NPHP1: variants seen among roughly 807,000 people sequenced by gnomAD.
The protein encoded by NPHP1 is nephrocystin-1.
In NPHP1, 70 loss-of-function variants were observed where a neutral mutation model predicts 90.4. That is an observed-to-expected ratio of 0.77 (90% CI 0.64 to 0.95). NPHP1 has a LOEUF of 0.95. Ranked by LOEUF, NPHP1 falls within the 40% of genes least tolerant of loss-of-function variation. The pLI, the probability that NPHP1 is intolerant of heterozygous loss-of-function variation, is 0.00. For missense variants in NPHP1, 764 were observed against 795.9 expected, an observed-to-expected ratio of 0.96 and a Z score of 0.48; for synonymous variants, 256 against 271.7, an observed-to-expected ratio of 0.94 and a Z score of 0.57.
intron 2 of NPHP1, among the ~76,000 whole-genome samples, chr2:110,183,377 C>G (rs1180263778): frequency 6.6e-6 from 1 of 152,210 alleles, no homozygotes; most frequent in Non-Finnish European, 1.5e-5. Context: ...TTGCAGATAA[C>G]TAGCCAGAAC....
At chr2:110,183,901 G>T (rs1164615273) in intron 2 of NPHP1, among the ~76,000 whole-genome samples, 2 of 151,954 alleles carry the variant, frequency 1.3e-5, no homozygotes, top group African/African-American at 2.4e-5. Context: ...TCAAGTAATC[G>T]GAAATAAAAT....
intron 2 of NPHP1, chr2:110,184,471 T>C: frequency 6.3e-6 from 5 of 795,074 alleles, no homozygotes; most frequent in South Asian, 1.6e-5. Flanking sequence ...GCTATTTTCA[T>C]CTCCATGTAA....
chr2:110,147,864 A>G, intron 13 of NPHP1, 52 bp downstream of exon 13: 1 of 1,045,686 alleles, frequency 9.6e-7, no homozygotes, highest in Non-Finnish European at 1.5e-6. Flanking sequence ...ACATTTTTTA[A>G]CCTTCCCTTT....
intron 5 of NPHP1, among the ~76,000 whole-genome samples, chr2:110,169,180 G>GA (rs929652979): frequency 1.2e-4 from 18 of 149,570 alleles, no homozygotes; most frequent in Admixed American, 6.6e-4. Context: ...AGGAGAATTT[G>GA]AAAAAAAAAT....
intron 11 of NPHP1, among the ~76,000 whole-genome samples, chr2:110,158,762 T>C (rs1245638775): frequency 6.6e-6 from 1 of 152,032 alleles, no homozygotes; most frequent in Non-Finnish European, 1.5e-5. Flanking sequence ...TTTTGATACT[T>C]CTTTTTTGAA....
chr2:110,146,697 T>TA, intron 14 of NPHP1, 56 bp downstream of exon 14: 1 of 1,329,470 alleles, frequency 7.5e-7, no homozygotes, highest in Non-Finnish European at 1.1e-6. Flanking sequence ...ATCAAGAGTC[T>TA]AAAAAATGAA....
chr2:110,169,290 T>C (rs534019640), intron 5 of NPHP1, among the ~76,000 whole-genome samples: 4 of 152,284 alleles, frequency 2.6e-5, no homozygotes, highest in Admixed American at 1.3e-4. Context: ...CTAAAATTCA[T>C]ATATTCACTT....
intron 2 of NPHP1, among the ~76,000 whole-genome samples, chr2:110,193,472 A>G (rs894630256): frequency 2.0e-5 from 3 of 152,266 alleles, no homozygotes; most frequent in African/African-American, 4.8e-5. Context: ...CTAAATATAT[A>G]TGCACCCAAT....
chr2:110,159,550 C>A (rs995981538), intron 11 of NPHP1, among the ~76,000 whole-genome samples: 1 of 151,880 alleles, frequency 6.6e-6, no homozygotes, highest in Non-Finnish European at 1.5e-5. Flanking sequence ...TCAATGTTGT[C>A]AAATTTACTG....
intron 15 of NPHP1, chr2:110,144,108 G>C (rs751935599): frequency 9.4e-6 from 3 of 318,442 alleles, no homozygotes; most frequent in Non-Finnish European, 1.8e-5. Flanking sequence ...CACAGTGCCT[G>C]GTTAATGAAC....
chr2:110,163,181 T>G lies in NPHP1; in HGVS notation c.772-46A>C, dbSNP rs377725934. 148 of 1,316,448 alleles carry G rather than the reference T, an allele frequency of 1.1e-4. 2 individuals carry two copies. Among genetic ancestry groups the G allele is most frequent in the Middle Eastern group, 1.8e-4 (1 of 5,486 alleles). The allele number at this position is 1,316,448 out of a possible 1,614,324, so 81.5% of individuals were successfully genotyped here. On this transcript the variant is annotated intron_variant, in intron 8 of 19. Transcript: ENST00000445609. ...ATGGATTTGTTTTCAGTCATGTTTC[T>G]GCATCTCTATAATACTTTATCACTA...
chr2:110,146,803 G>A lies in NPHP1; in HGVS notation c.1302C>T (p.Gly434=). 6.2e-7 allele frequency: 1 copy of A among 1,613,548 alleles called. No homozygotes were observed. Among genetic ancestry groups the A allele is most frequent in the South Asian group, 1.1e-5 (1 of 91,072 alleles). ...CATCAAAAAGTTTAAGAAACACCCA[G>A]CCACAGCTTAACTCTCCTCTTTCAC... ...STGERGELSC[G]WVFLKLFDAS... Residue 434 remains glycine (G), a synonymous_variant, in exon 14 of 20, where the codon GGC becomes GGT. Transcript: ENST00000445609.
chr2:110,164,856 A>G, intron 7 of NPHP1, 126 bp from the exon 8 acceptor site: 1 of 977,848 alleles, frequency 1.0e-6, no homozygotes. Context: ...CCAGATGAAA[A>G]CGAGGTAGAG....
At chr2:110,159,077 A>G (rs1682118090) in intron 11 of NPHP1, among the ~76,000 whole-genome samples, 2 of 152,122 alleles carry the variant, frequency 1.3e-5, no homozygotes, top group South Asian at 4.1e-4. Flanking sequence ...TTGATTTTCA[A>G]ATGTTAAATG....
At chr2:110,142,662 C>T (rs978348924) in intron 16 of NPHP1, among the ~76,000 whole-genome samples, 19 of 152,040 alleles carry the variant, frequency 1.2e-4, no homozygotes, top group African/African-American at 4.6e-4. Context: ...TACAACTAGT[C>T]TACTGAACAT....
At position 110,131,734 on chromosome 2, in the gene NPHP1, A is replaced by C. The variant is rs398123286; in HGVS notation, c.1587T>G (p.Tyr529Ter). ...NMCSIHLLIFYRQILGDVLLK... is the reference protein window; with the variant it reads ...NMCSIHLLIF ...GGAGCACATCTCCAAGAATTTGTCG[A>C]TAAAATATCAACAAGTGAATAGAAC... is the stretch of plus-strand genomic sequence containing the variant. Residue 529 changes from tyrosine (Y) to a stop codon, truncating the protein, a stop_gained, in exon 17 of 20, where the codon TAT (tyrosine) becomes TAG (stop). Transcript: ENST00000445609. LOFTEE classifies it high-confidence loss of function. 1 of 1,613,536 alleles carries C rather than the reference A, an allele frequency of 6.2e-7. No individual in the cohort carries two copies. The highest frequency in any genetic ancestry group is 8.5e-7 in the Non-Finnish European group (1 of 1,179,492).
At chr2:110,143,916 C>T in intron 15 of NPHP1, 1 of 411,648 alleles carries the variant, frequency 2.4e-6, no homozygotes, top group Non-Finnish European at 4.5e-6. Flanking sequence ...AGACCCCAAA[C>T]TCCTTTCTGT....
intron 11 of NPHP1, among the ~76,000 whole-genome samples, chr2:110,158,795 C>T (rs574461538): frequency 1.3e-5 from 2 of 151,638 alleles, no homozygotes; most frequent in Admixed American, 1.3e-4. Flanking sequence ...GTCTTTTGTC[C>T]CTTTAGAAAA....
At position 110,170,002 on chromosome 2, in the gene NPHP1, C is replaced by T. The variant is rs774162169; in HGVS notation, c.330-4G>A. On this transcript the variant is annotated splice_region_variant and splice_polypyrimidine_tract_variant and intron_variant, in intron 4 of 19. Coordinates refer to ENST00000445609, the MANE Select transcript of NPHP1 (RefSeq NM_001128178.3). ...TTCTTCAGTAGGTGCCCCAACTCTA[C>T]AAAAAGTGTTTCTGAGTAGGACTAC... 24 of 1,613,074 alleles carry T rather than the reference C, an allele frequency of 1.5e-5. No homozygotes were observed. Among genetic ancestry groups the T allele is most frequent in the Non-Finnish European group, 2.0e-5 (24 of 1,179,412 alleles).
Sources: allele counts gnomAD v4.1 joint callset (sites outside exome capture counted in the v4.1 genomes callset), GRCh38; gene constraint gnomAD v4.1.1; transcripts MANE v1.5; gene names NCBI Gene and HGNC (gene_info 2026-07-23, HGNC 2026-07-21).